ZNF680: variants seen among roughly 807,000 people sequenced by gnomAD.
The protein encoded by ZNF680 is hypothetical protein FLJ90430.
In ZNF680, 6 loss-of-function variants were observed where a neutral mutation model predicts 12.1. The observed-to-expected ratio is 0.49, with a 90% confidence interval of 0.27 to 0.98. The LOEUF (loss-of-function observed/expected upper bound fraction) is 0.98, where lower values mean the gene tolerates loss of function less well. ZNF680 is among the 50% of genes least tolerant of loss of function. ZNF680 has a pLI of 0.12. For synonymous variants in ZNF680, 170 were observed against 199.3 expected (o/e 0.85, Z 1.24); for missense variants, 561 against 616.3 (o/e 0.91, Z 0.95).
intron 1 of ZNF680, among the ~76,000 whole-genome samples, chr7:64,562,231 C>G (rs1010039693): frequency 1.1e-5 from 1 of 92,566 alleles, no homozygotes; most frequent in Non-Finnish European, 2.1e-5. Flanking sequence ...GACTCCGTTT[C>G]AAAAAAAAAA....
the ZNF680 span, among the ~76,000 whole-genome samples, chr7:64,510,529 A>G: frequency 1.5e-4 from 23 of 152,136 alleles, no homozygotes; most frequent in Non-Finnish European, 3.4e-4. Context: ...ACTTTGCAGT[A>G]TGTAAATAAC....
the ZNF680 span, among the ~76,000 whole-genome samples, chr7:64,510,023 TAAAAAAA>T: frequency 3.8e-5 from 4 of 105,902 alleles, no homozygotes. Flanking sequence ...CGTAAAACTC[TAAAAAAA>T]AAAAAAAAAA....
chr7:64,558,400 G>A (rs1041128174), intron 1 of ZNF680, among the ~76,000 whole-genome samples: 1 of 152,094 alleles, frequency 6.6e-6, no homozygotes, highest in African/African-American at 2.4e-5. Flanking sequence ...GTGGGAAAAG[G>A]GGGTCTGTTA....
At chr7:64,550,759 T>A (rs1787032633) in intron 1 of ZNF680, among the ~76,000 whole-genome samples, 1 of 152,162 alleles carries the variant, frequency 6.6e-6, no homozygotes. Context: ...GAGAAACAAT[T>A]CTGCCTGCGT....
intron 3 of ZNF680, among the ~76,000 whole-genome samples, chr7:64,542,387 A>G (rs1002197936): frequency 6.6e-6 from 1 of 152,196 alleles, no homozygotes; most frequent in Non-Finnish European, 1.5e-5. Flanking sequence ...TTAGTCAAAA[A>G]AAGTTTTTAA....
At chr7:64,507,894 C>G in the ZNF680 span, among the ~76,000 whole-genome samples, 225 of 146,120 alleles carry the variant, frequency 1.5e-3, no homozygotes, top group Middle Eastern at 3.6e-3. Flanking sequence ...TTTATTTCGA[C>G]TGGTTTGCTC....
chr7:64,545,221 G>A (rs1448299220), intron 1 of ZNF680, among the ~76,000 whole-genome samples: 10 of 137,874 alleles, frequency 7.3e-5, no homozygotes, highest in Middle Eastern at 4.0e-3. Flanking sequence ...CTGAGACTGC[G>A]CCAGTGCATT....
At chr7:64,536,666 T>G (rs1012674416) in intron 3 of ZNF680, among the ~76,000 whole-genome samples, 1 of 152,154 alleles carries the variant, frequency 6.6e-6, no homozygotes, top group South Asian at 2.1e-4. Flanking sequence ...ATAGAACAAC[T>G]AGGCTTAACA....
chr7:64,526,235 A>G, intron 3 of ZNF680: 3 of 1,088,446 alleles, frequency 2.8e-6, no homozygotes, highest in South Asian at 4.4e-5. Flanking sequence ...GTAGATGAAA[A>G]AGGCTAAGAA....
At chr7:64,526,763 CAACAA>C (rs952912937) in intron 3 of ZNF680, among the ~76,000 whole-genome samples, 4 of 151,978 alleles carry the variant, frequency 2.6e-5, no homozygotes, top group Non-Finnish European at 5.9e-5. Context: ...TTTTTAACAT[CAACAA>C]AAAACTGGAA....
intron 3 of ZNF680, chr7:64,525,982 A>G (rs1791820554): frequency 5.1e-6 from 5 of 985,168 alleles, no homozygotes; most frequent in Admixed American, 6.1e-5. Context: ...TTTGTTCCAC[A>G]CTGTCTTAAA....
chr7:64,511,042 C>T, the ZNF680 span, among the ~76,000 whole-genome samples: 45 of 151,586 alleles, frequency 3.0e-4, no homozygotes, highest in Non-Finnish European at 5.0e-4. Flanking sequence ...GAGGCCAAGG[C>T]GGGTGGATCA....
Position 64,544,305 on chromosome 7 carries a change from C to G in ZNF680, c.157+1G>C. ...GAATTGTGTGTTGAAGTTATCCTCA[C>G]CCAGGAAGACCAGGTTTCTGTAGTT... On this transcript the variant is annotated splice_donor_variant, in intron 2 of 3. Coordinates refer to ENST00000309683, the MANE Select transcript of ZNF680 (RefSeq NM_178558.5). LOFTEE classifies it high-confidence loss of function. 6.2e-7 allele frequency: 1 copy of G among 1,601,112 alleles called. No individual in the cohort carries two copies. Among genetic ancestry groups the G allele is most frequent in the Non-Finnish European group, 8.5e-7 (1 of 1,172,102 alleles).
chr7:64,554,795 TCGTTAAGAGTCATC>T (rs1787315066), intron 1 of ZNF680, among the ~76,000 whole-genome samples: 1 of 151,986 alleles, frequency 6.6e-6, no homozygotes, highest in Non-Finnish European at 1.5e-5. Context: ...GGCGGCATAC[TCGTTAAGAGTCATC>T]ACCACTCCCT....
At chr7:64,528,595 G>A (rs1400367222) in intron 3 of ZNF680, among the ~76,000 whole-genome samples, 1 of 152,108 alleles carries the variant, frequency 6.6e-6, no homozygotes, top group Non-Finnish European at 1.5e-5. Flanking sequence ...GGCAGAAGCA[G>A]CCATTATCCT....
Position 64,563,007 on chromosome 7 carries a change from C to A in ZNF680, c.-53G>T, listed in dbSNP as rs557614540. On this transcript the variant is annotated 5_prime_UTR_variant, in exon 1 of 4. Transcript: ENST00000309683. ...AGATAACGGAGTCACAGAGGCTGGGCCTCTAGGAGCAGAATACACAGAGCA... is the reference window on the plus strand; with the variant it reads ...AGATAACGGAGTCACAGAGGCTGGGACTCTAGGAGCAGAATACACAGAGCA... 1.0e-5 allele frequency: 16 copies of A among 1,603,810 alleles called. No individual in the cohort carries two copies. Among genetic ancestry groups the A allele is most frequent in the Non-Finnish European group, 1.4e-5 (16 of 1,171,464 alleles).
chr7:64,506,066 CAGTT>C, the ZNF680 span, among the ~76,000 whole-genome samples: 1 of 151,976 alleles, frequency 6.6e-6, no homozygotes, highest in African/African-American at 2.4e-5. Context: ...TTTCACACCA[CAGTT>C]ACAGTTTTTT....
chr7:64,537,140 A>G (rs1233213143), intron 3 of ZNF680, among the ~76,000 whole-genome samples: 1 of 152,314 alleles, frequency 6.6e-6, no homozygotes, highest in Admixed American at 6.5e-5. Context: ...AAACTTAATA[A>G]AACTAGGAAT....
chr7:64,530,163 G>T (rs1212810867), intron 3 of ZNF680, among the ~76,000 whole-genome samples: 2 of 152,074 alleles, frequency 1.3e-5, no homozygotes, highest in Non-Finnish European at 2.9e-5. Context: ...TCTAAATCTT[G>T]AAACAAATTT....
Sources: allele counts gnomAD v4.1 joint callset (sites outside exome capture counted in the v4.1 genomes callset), GRCh38; gene constraint gnomAD v4.1.1; transcripts MANE v1.5; gene names NCBI Gene and HGNC (gene_info 2026-07-23, HGNC 2026-07-21).